SGCD: variants seen among roughly 807,000 people sequenced by gnomAD.
SGCD encodes the protein delta-sarcoglycan.
Under a neutral mutation model 36.6 loss-of-function variants are expected in SGCD, and 18 were observed. The observed-to-expected ratio is 0.49, with a 90% CI of 0.34 to 0.73. SGCD has a LOEUF of 0.73. SGCD is among the 30% of genes least tolerant of loss of function. The pLI is 0.01. For synonymous variants in SGCD, 133 were observed against 130.6 expected (o/e 1.02, Z -0.12); for missense variants, 387 against 346.7 (o/e 1.12, Z -0.92).
intron 6 of SGCD, among the ~76,000 whole-genome samples, chr5:156,599,380 G>GAA (rs5872475): frequency 1.2e-4 from 18 of 148,798 alleles, no homozygotes; most frequent in African/African-American, 2.7e-4. Context: ...TATAGAAAAA[G>GAA]AAAAAAAAAT....
At chr5:156,548,183 A>T (rs1452658497) in intron 4 of SGCD, among the ~76,000 whole-genome samples, 2 of 152,306 alleles carry the variant, frequency 1.3e-5, no homozygotes, top group South Asian at 4.1e-4. Context: ...TAATGGCCCA[A>T]ATGGACTTAG....
At chr5:156,538,382 G>T (rs1439301693) in intron 4 of SGCD, among the ~76,000 whole-genome samples, 2 of 152,064 alleles carry the variant, frequency 1.3e-5, no homozygotes. Context: ...ATTTGAAAAT[G>T]TAGGTCAAGA....
At chr5:156,668,929 A>G (rs950483427) in intron 7 of SGCD, among the ~76,000 whole-genome samples, 1 of 152,192 alleles carries the variant, frequency 6.6e-6, no homozygotes, top group Non-Finnish European at 1.5e-5. Flanking sequence ...GCCAATTGCA[A>G]GGTGGTCCCA....
At position 156,364,416 on chromosome 5, in the gene SGCD, A is replaced by T. The variant is rs997173545; in HGVS notation, c.192+19739A>T. On this transcript the variant is annotated intron_variant, in intron 3 of 8. Transcript: ENST00000337851. ...GAAATCCATGAAATACTTAGCAAGA[A>T]TACTTTGCAAATTTGGCTTTGGGGG... 2.0e-5 allele frequency among the ~76,000 whole-genome samples: 3 copies of T among 152,132 alleles called. No homozygotes were observed. The East Asian group carries it at 5.8e-4, about 29-fold the overall frequency.
At chr5:156,645,730 C>G (rs1371066836) in intron 6 of SGCD, among the ~76,000 whole-genome samples, 1 of 152,014 alleles carries the variant, frequency 6.6e-6, no homozygotes, top group Admixed American at 6.6e-5. Flanking sequence ...TCCTGACTTC[C>G]CTGAGCCTCA....
chr5:155,963,010 G>A lies in SGCD; in HGVS notation c.-282+92586G>A, dbSNP rs114267881. ...CTGACTCCATTCAAAGCAGGTCTCC[G>A]TTTGATTATCCAGTTTAGTCACCTG... On this transcript the variant is annotated intron_variant, in intron 1 of 9. Coordinates refer to the SGCD transcript ENST00000517913. Among the ~76,000 whole-genome samples, 382 of 152,192 alleles carry A rather than the reference G, an allele frequency of 2.5e-3. 1 individual carries two copies. Among genetic ancestry groups the A allele is most frequent in the Admixed American group, 5.8e-3 (88 of 15,282 alleles).
At chr5:156,029,933 C>G (rs1179713944) in intron 1 of SGCD, among the ~76,000 whole-genome samples, 1 of 152,138 alleles carries the variant, frequency 6.6e-6, no homozygotes, top group Non-Finnish European at 1.5e-5. Context: ...AGCCTTTCTT[C>G]CCCCAGAAAG....
chr5:156,690,538 G>C lies in SGCD; in HGVS notation c.575+43002G>C, dbSNP rs190225131. Among the ~76,000 whole-genome samples the C allele has an allele frequency of 4.6e-5, 7 of 152,120 alleles. No individual in the cohort carries two copies. The East Asian group carries it at 1.4e-3, about 30-fold the overall frequency. On this transcript the variant is annotated intron_variant, in intron 7 of 8. Transcript: ENST00000337851. ...TCAGACTTACAGAAACTCTGCCCAG[G>C]AGTTACAGATAGCACAAACTCTCAC...
At chr5:156,164,911 G>C (rs1763176301) in intron 3 of SGCD, among the ~76,000 whole-genome samples, 1 of 152,178 alleles carries the variant, frequency 6.6e-6, no homozygotes, top group South Asian at 2.1e-4. Flanking sequence ...AGATTGCAGT[G>C]ACTGAAGAAA....
chr5:156,751,957 C>T (rs541267730), intron 7 of SGCD, among the ~76,000 whole-genome samples: 1 of 152,296 alleles, frequency 6.6e-6, no homozygotes, highest in East Asian at 1.9e-4. Flanking sequence ...TGCATTCAGG[C>T]ATCAGGAGCC....
chr5:156,216,565 A>C (rs1399448362), intron 3 of SGCD, among the ~76,000 whole-genome samples: 1 of 152,186 alleles, frequency 6.6e-6, no homozygotes, highest in Admixed American at 6.5e-5. Flanking sequence ...GTCACTACCC[A>C]TGAGTCTCTT....
chr5:156,377,044 C>T (rs970518960), intron 3 of SGCD, among the ~76,000 whole-genome samples: 1 of 151,768 alleles, frequency 6.6e-6, no homozygotes, highest in African/African-American at 2.4e-5. Context: ...TATCTTGAAA[C>T]CACTAAAATG....
At chr5:155,729,225 T>A in the SGCD span, among the ~76,000 whole-genome samples, 1 of 152,180 alleles carries the variant, frequency 6.6e-6, no homozygotes, top group African/African-American at 2.4e-5. Flanking sequence ...CTAGAGCAGA[T>A]CGCTGACTTC....
intron 3 of SGCD, among the ~76,000 whole-genome samples, chr5:156,142,763 C>A (rs988767328): frequency 5.9e-5 from 9 of 152,172 alleles, no homozygotes; most frequent in African/African-American, 2.2e-4. Context: ...GGCCTGGTTG[C>A]TTCTAACAGC....
At chr5:155,773,287 C>T in the SGCD span, among the ~76,000 whole-genome samples, 1 of 152,172 alleles carries the variant, frequency 6.6e-6, no homozygotes, top group Non-Finnish European at 1.5e-5. Flanking sequence ...ATACCTTGCT[C>T]CTGTTAATTG....
At chr5:156,568,668 GC>G (rs1759594976) in intron 4 of SGCD, among the ~76,000 whole-genome samples, 1 of 152,190 alleles carries the variant, frequency 6.6e-6, no homozygotes, top group Admixed American at 6.5e-5. Context: ...TGTACAGTGG[GC>G]TAACATGTGT....
chr5:156,437,515 T>TA (rs1753294657), intron 3 of SGCD, among the ~76,000 whole-genome samples: 1 of 152,158 alleles, frequency 6.6e-6, no homozygotes, highest in Non-Finnish European at 1.5e-5. Context: ...GATGCTAAGG[T>TA]AGAAATTAAG....
At chr5:155,911,339 C>G (rs184257119) in intron 1 of SGCD, among the ~76,000 whole-genome samples, 290 of 142,960 alleles carry the variant, frequency 2.0e-3, no homozygotes, top group Admixed American at 2.6e-3. Flanking sequence ...ATATATATTT[C>G]CCCCAGAATA....
chr5:156,128,546 A>T (rs1581116545), intron 3 of SGCD, among the ~76,000 whole-genome samples: 1 of 152,212 alleles, frequency 6.6e-6, no homozygotes, highest in African/African-American at 2.4e-5. Context: ...CTGGGTCCCC[A>T]TCCAAATCTC....
Sources: allele counts gnomAD v4.1 joint callset (sites outside exome capture counted in the v4.1 genomes callset), GRCh38; gene constraint gnomAD v4.1.1; transcripts MANE v1.5; gene names NCBI Gene and HGNC (gene_info 2026-07-23, HGNC 2026-07-21).